Variants in VEZT observed in about 807,000 individuals in gnomAD.
The protein encoded by VEZT is vezatin, adherens junctions transmembrane protein, also known as vezatin.
Under a neutral mutation model 79.9 loss-of-function variants are expected in VEZT, and 39 were observed. The observed-to-expected ratio is 0.49, with a 90% CI of 0.38 to 0.64. The LOEUF (loss-of-function observed/expected upper bound fraction) is 0.64, where lower values mean the gene tolerates loss of function less well. Among genes scored for constraint, VEZT ranks in the 30% least tolerant of loss-of-function variants. The pLI is 0.00. For synonymous variants in VEZT, 325 were observed against 327.6 expected (o/e 0.99, Z 0.09); for missense variants, 837 against 893.1 (o/e 0.94, Z 0.80).
chr12:95,264,153 A>G, intron 4 of VEZT, among the ~76,000 whole-genome samples: 1 of 152,212 alleles, frequency 6.6e-6, no homozygotes, highest in East Asian at 1.9e-4. Flanking sequence ...ACACTGACAA[A>G]TGCTTCATTC....
intron 11 of VEZT, among the ~76,000 whole-genome samples, chr12:95,298,265 C>G (rs2074593480): frequency 1.3e-5 from 2 of 152,066 alleles, no homozygotes; most frequent in Non-Finnish European, 2.9e-5. Context: ...GCCGCCTCTC[C>G]TAACACTACA....
At chr12:95,258,153 G>T (rs2063762673) in intron 3 of VEZT, 1 of 425,850 alleles carries the variant, frequency 2.3e-6, no homozygotes, top group African/African-American at 2.1e-5. Flanking sequence ...AAATTGTCAA[G>T]TTCTTTGTTC....
intron 1 of VEZT, among the ~76,000 whole-genome samples, chr12:95,241,956 G>A (rs1458769120): frequency 6.6e-6 from 1 of 152,098 alleles, no homozygotes; most frequent in Admixed American, 6.6e-5. Flanking sequence ...TGTTGACCTT[G>A]GCGAAAATAT....
chr12:95,249,661 G>C (rs931763684), intron 1 of VEZT, among the ~76,000 whole-genome samples: 8 of 152,148 alleles, frequency 5.3e-5, no homozygotes, highest in African/African-American at 1.9e-4. Flanking sequence ...TCTTCTGAAT[G>C]CAAGAATATA....
intron 1 of VEZT, among the ~76,000 whole-genome samples, chr12:95,224,403 C>T (rs1027360873): frequency 1.1e-4 from 17 of 152,120 alleles, no homozygotes; most frequent in African/African-American, 4.1e-4. Context: ...CAGCCTCCAA[C>T]TCCTGGCTCA....
At chr12:95,294,965 A>G (rs2073822470) in intron 10 of VEZT, among the ~76,000 whole-genome samples, 1 of 152,220 alleles carries the variant, frequency 6.6e-6, no homozygotes, top group Non-Finnish European at 1.5e-5. Context: ...GAGCTAGATA[A>G]GCAGGCTTGA....
intron 7 of VEZT, among the ~76,000 whole-genome samples, chr12:95,280,325 G>C (rs2068725141): frequency 1.3e-5 from 2 of 151,998 alleles, no homozygotes; most frequent in African/African-American, 4.8e-5. Flanking sequence ...CTTTGCATTT[G>C]ACTTCCTGCT....
chr12:95,248,556 G>A (rs936756730), intron 1 of VEZT, among the ~76,000 whole-genome samples: 5 of 152,176 alleles, frequency 3.3e-5, no homozygotes, highest in South Asian at 2.1e-4. Flanking sequence ...GGTCACTGAT[G>A]AGAGAGCATC....
chr12:95,222,323 A>G (rs2057738335), intron 1 of VEZT, among the ~76,000 whole-genome samples: 1 of 152,194 alleles, frequency 6.6e-6, no homozygotes, highest in Admixed American at 6.5e-5. Context: ...TGATTTTTGT[A>G]TGGTAACAAG....
At chr12:95,258,932 T>C (rs1398582334) in intron 3 of VEZT, among the ~76,000 whole-genome samples, 1 of 152,180 alleles carries the variant, frequency 6.6e-6, no homozygotes, top group Non-Finnish European at 1.5e-5. Flanking sequence ...AACCTTTCAT[T>C]TCATCCATGC....
intron 2 of VEZT, among the ~76,000 whole-genome samples, chr12:95,255,848 A>G (rs1465742263): frequency 1.3e-5 from 2 of 152,170 alleles, no homozygotes; most frequent in African/African-American, 4.8e-5. Context: ...AATCTTTGGT[A>G]GCTCCTCACA....
intron 3 of VEZT, among the ~76,000 whole-genome samples, chr12:95,260,471 T>C (rs1471095528): frequency 6.6e-6 from 1 of 152,146 alleles, no homozygotes; most frequent in Non-Finnish European, 1.5e-5. Context: ...CACGTTGGTT[T>C]TGGGGAGGTG....
chr12:95,282,890 G>A (rs2069554838), intron 8 of VEZT, among the ~76,000 whole-genome samples: 1 of 152,120 alleles, frequency 6.6e-6, no homozygotes, highest in South Asian at 2.1e-4. Context: ...GGAAAAGTAG[G>A]CTAAAAGCAG....
intron 3 of VEZT, chr12:95,258,152 A>G (rs748314592): frequency 1.9e-4 from 83 of 427,964 alleles, no homozygotes; most frequent in Non-Finnish European, 1.8e-4. Context: ...CAAATTGTCA[A>G]GTTCTTTGTT....
At chr12:95,236,555 G>A (rs1325924420) in intron 1 of VEZT, among the ~76,000 whole-genome samples, 3 of 151,942 alleles carry the variant, frequency 2.0e-5, no homozygotes, top group Admixed American at 6.6e-5. Context: ...GTAACGTGAG[G>A]CAAATGCTCT....
chr12:95,222,868 A>T (rs541689016), intron 1 of VEZT, among the ~76,000 whole-genome samples: 1 of 152,200 alleles, frequency 6.6e-6, no homozygotes, highest in Non-Finnish European at 1.5e-5. Context: ...TCTAGGACTG[A>T]TTTTACAAAA....
chr12:95,219,900 T>C (rs1051669555), intron 1 of VEZT, among the ~76,000 whole-genome samples: 8 of 152,264 alleles, frequency 5.3e-5, no homozygotes, highest in Non-Finnish European at 7.3e-5. Context: ...TTTTATTTCT[T>C]TGAACATTTC....
At chr12:95,287,292 A>C (rs920655062) in intron 8 of VEZT, among the ~76,000 whole-genome samples, 5 of 152,058 alleles carry the variant, frequency 3.3e-5, no homozygotes, top group Non-Finnish European at 7.4e-5. Flanking sequence ...CCAACTCCAG[A>C]ACTTTTTTCA....
At chr12:95,230,322 C>G (rs1293643628) in intron 1 of VEZT, among the ~76,000 whole-genome samples, 4 of 152,026 alleles carry the variant, frequency 2.6e-5, no homozygotes, top group African/African-American at 9.7e-5. Context: ...AGCCTCCTAT[C>G]TCTTATTGTT....
Sources: gnomAD v4.1 joint callset for allele counts (sites outside exome capture counted in the v4.1 genomes callset) on GRCh38, gnomAD v4.1.1 for gene constraint, MANE v1.5 for transcripts, NCBI Gene and HGNC (gene_info 2026-07-23, HGNC 2026-07-21) for gene names.